ZNF469: variants seen among roughly 807,000 people sequenced by gnomAD.
ZNF469 encodes zinc finger protein 469.
In ZNF469, 1 loss-of-function variant was observed where a neutral mutation model predicts 1.0. The observed-to-expected ratio is 1.00, with a 90% CI of 0.35 to 4.73. The LOEUF is 4.73. Ranked by LOEUF, ZNF469 falls within the 30% of genes most tolerant of loss-of-function variation. ZNF469 has a pLI of 0.16. For synonymous variants in ZNF469, 2,703 were observed against 2,363.4 expected (o/e 1.14, Z -4.17); for missense variants, 6,100 against 5,356.3 (o/e 1.14, Z -4.33).
chr16:88,223,693 C>CA, the ZNF469 span, among the ~76,000 whole-genome samples: 1 of 152,236 alleles, frequency 6.6e-6, no homozygotes, highest in African/African-American at 2.4e-5. Context: ...GGGGACAGAG[C>CA]ACAGGAGCAA....
At chr16:88,347,278 AC>A in the ZNF469 span, among the ~76,000 whole-genome samples, 1 of 151,972 alleles carries the variant, frequency 6.6e-6, no homozygotes, top group African/African-American at 2.4e-5. Context: ...TCAGGGCCCC[AC>A]CCCCACACCC....
chr16:88,380,654 CACAG>C (rs1481886115), upstream of ZNF469, among the ~76,000 whole-genome samples: 1 of 145,318 alleles, frequency 6.9e-6, no homozygotes, highest in African/African-American at 2.6e-5. Context: ...CTCATACACA[CACAG>C]ACACGCCCTC....
the ZNF469 span, among the ~76,000 whole-genome samples, chr16:88,347,648 T>C: frequency 0.18 from 27,596 of 152,196 alleles, 2,888 homozygotes; most frequent in Non-Finnish European, 0.25. Context: ...TCCACCCCGA[T>C]GTGAAGAACT....
At chr16:88,159,980 G>A in the ZNF469 span, among the ~76,000 whole-genome samples, 5 of 152,294 alleles carry the variant, frequency 3.3e-5, no homozygotes, top group Non-Finnish European at 7.3e-5. Context: ...AGGTATTTGG[G>A]CCCAAGGCTG....
chr16:88,324,536 T>C, the ZNF469 span, among the ~76,000 whole-genome samples: 4 of 152,190 alleles, frequency 2.6e-5, no homozygotes, highest in African/African-American at 9.7e-5. Context: ...AGGAAAGAAT[T>C]TGAAAGCCAG....
At chr16:88,342,139 C>T in the ZNF469 span, among the ~76,000 whole-genome samples, 414 of 152,208 alleles carry the variant, frequency 2.7e-3, 2 homozygotes, top group African/African-American at 9.4e-3. Flanking sequence ...GGAGGCGCTG[C>T]GACAGGGGTC....
the ZNF469 span, among the ~76,000 whole-genome samples, chr16:88,334,052 CTGTGTCTGTG>C: frequency 1.3e-3 from 197 of 149,822 alleles, no homozygotes; most frequent in Non-Finnish European, 2.4e-3. Flanking sequence ...CTCTGTGTGT[CTGTGTCTGTG>C]TGTGTCTGTG....
chr16:88,342,093 G>A, the ZNF469 span, among the ~76,000 whole-genome samples: 20 of 150,994 alleles, frequency 1.3e-4, no homozygotes, highest in East Asian at 3.4e-3. Flanking sequence ...GGCTGGGGAC[G>A]AAGAAGGCCG....
chr16:88,368,322 C>T, the ZNF469 span, among the ~76,000 whole-genome samples: 5 of 152,220 alleles, frequency 3.3e-5, no homozygotes, highest in Admixed American at 3.3e-4. Context: ...TGACCTGGGC[C>T]TGGACGCCAT....
the ZNF469 span, among the ~76,000 whole-genome samples, chr16:88,184,193 G>T: frequency 2.0e-5 from 3 of 152,080 alleles, no homozygotes; most frequent in Admixed American, 6.5e-5. Context: ...TGATTCTAGA[G>T]CCCCTAACTC....
At position 88,424,051 on chromosome 16, in the gene ZNF469, T is replaced by C. The variant is rs536312462; in HGVS notation, c.-191-756T>C. Among the ~76,000 whole-genome samples, 34 of 152,342 alleles carry C rather than the reference T, an allele frequency of 2.2e-4. No individual in the cohort carries two copies. The highest frequency in any genetic ancestry group is 7.7e-4 in the African/African-American group (32 of 41,578). On this transcript the variant is annotated intron_variant, in intron 1 of 2. Transcript: ENST00000565624. The surrounding 1 kb of genome is among the most constrained non-coding windows in gnomAD (Gnocchi z 4.3). ...ATCTCCTTCCAAAGTCAAACGCAGG[T>C]GCCCTTTGACGCAGCTAGGCCCACA...
chr16:88,352,192 C>T, the ZNF469 span, among the ~76,000 whole-genome samples: 13 of 152,108 alleles, frequency 8.5e-5, no homozygotes, highest in Non-Finnish European at 1.3e-4. Context: ...CCAAAACCAG[C>T]GAGAGGGGAC....
chr16:88,168,198 C>T, the ZNF469 span, among the ~76,000 whole-genome samples: 1 of 152,238 alleles, frequency 6.6e-6, no homozygotes, highest in East Asian at 1.9e-4. The surrounding 1 kb of genome is among the most constrained non-coding windows in gnomAD (Gnocchi z 4.3). Flanking sequence ...TTAACAGAAG[C>T]TCAACTTCAA....
chr16:88,433,088 C>T lies in ZNF469; in HGVS notation c.5618C>T (p.Ala1873Val), dbSNP rs767834641. ...CTGACTGCCCCCCGGGGCAGGGAGGCTTGGTTGGTCCCTGTGCCAAGTCCC... is the reference window on the plus strand; with the variant it reads ...CTGACTGCCCCCCGGGGCAGGGAGGTTTGGTTGGTCCCTGTGCCAAGTCCC... ...SSLTAPRGRE[A>V]WLVPVPSPAC... The change falls in exon 3 of 3, where the codon GCT becomes GTT. Residue 1873 changes from alanine to valine, a missense_variant. By Grantham distance (64) the Ala-to-Val change is moderately conservative. Coordinates refer to ENST00000565624, the MANE Select transcript of ZNF469 (RefSeq NM_001367624.2). 15 of 1,550,164 alleles carry T rather than the reference C, an allele frequency of 9.7e-6. 1 individual carries two copies. The highest frequency in any genetic ancestry group is 2.4e-5 in the East Asian group (1 of 40,926).
At chr16:88,127,868 A>G in the ZNF469 span, among the ~76,000 whole-genome samples, 21 of 152,326 alleles carry the variant, frequency 1.4e-4, no homozygotes, top group East Asian at 1.2e-3. Context: ...TCCTCACCTC[A>G]GTTAAGTGAG....
At chr16:88,169,874 C>T in the ZNF469 span, among the ~76,000 whole-genome samples, 23 of 152,250 alleles carry the variant, frequency 1.5e-4, no homozygotes, top group Admixed American at 1.5e-3. The surrounding 1 kb of genome is among the most constrained non-coding windows in gnomAD (Gnocchi z 6.1). Flanking sequence ...CCACCAGTCT[C>T]TCTGGGGTCG....
At chr16:88,210,482 T>G in the ZNF469 span, among the ~76,000 whole-genome samples, 1 of 152,350 alleles carries the variant, frequency 6.6e-6, no homozygotes, top group Admixed American at 6.5e-5. Flanking sequence ...ATACCCATCT[T>G]CTCTTGTGTT....
upstream of ZNF469, among the ~76,000 whole-genome samples, chr16:88,381,276 ACT>A (rs923247276): frequency 3.4e-5 from 5 of 148,882 alleles, no homozygotes; most frequent in Non-Finnish European, 7.4e-5. Context: ...ACAGACATGC[ACT>A]CACACACACG....
the ZNF469 span, among the ~76,000 whole-genome samples, chr16:88,161,253 C>A: frequency 6.6e-6 from 1 of 151,978 alleles, no homozygotes; most frequent in Non-Finnish European, 1.5e-5. Context: ...TCTGGTGGAG[C>A]ATAATAGCAT....
Sources: allele counts gnomAD v4.1 joint callset (sites outside exome capture counted in the v4.1 genomes callset), GRCh38; gene constraint gnomAD v4.1.1; non-coding constraint Gnocchi (gnomAD v3.1); transcripts MANE v1.5; gene names NCBI Gene and HGNC (gene_info 2026-07-23, HGNC 2026-07-21).